Variants in PDE4D observed in about 807,000 individuals in gnomAD.
The protein encoded by PDE4D is 3',5'-cyclic-AMP phosphodiesterase 4D.
In PDE4D, 24 loss-of-function variants were observed where a neutral mutation model predicts 87.4. That is an observed-to-expected ratio of 0.27 (90% confidence interval 0.20 to 0.39). The LOEUF is 0.39. Among genes scored for constraint, PDE4D ranks in the 10% least tolerant of loss-of-function variants. The probability of loss-of-function intolerance (pLI) is 1.00; values close to 1 mark genes in which losing one functional copy is unlikely to be tolerated. For synonymous variants in PDE4D, 384 were observed against 383.2 expected, an observed-to-expected ratio of 1.00 and a Z score of -0.02; for missense variants, 714 against 1,041.0, an observed-to-expected ratio of 0.69 and a Z score of 4.32.
At chr5:59,967,040 C>T (rs140277569) in intron 3 of PDE4D, among the ~76,000 whole-genome samples, 42 of 152,234 alleles carry the variant, frequency 2.8e-4, no homozygotes, top group Non-Finnish European at 4.9e-4. Context: ...ATTTTTATGG[C>T]GAGCTGACCT....
chr5:59,616,465 T>C (rs973146333), intron 1 of PDE4D, among the ~76,000 whole-genome samples: 1 of 152,088 alleles, frequency 6.6e-6, no homozygotes, highest in Non-Finnish European at 1.5e-5. Context: ...CTCAAACCAT[T>C]AAAAGTTATA....
intron 6 of PDE4D, among the ~76,000 whole-genome samples, chr5:59,024,011 T>C (rs1755735966): frequency 6.6e-6 from 1 of 151,064 alleles, no homozygotes; most frequent in Non-Finnish European, 1.5e-5. Context: ...CAAGTGATTC[T>C]CCTGCTCAGC....
At chr5:59,213,073 A>G (rs1750423528) in intron 2 of PDE4D, among the ~76,000 whole-genome samples, 1 of 150,950 alleles carries the variant, frequency 6.6e-6, no homozygotes, top group East Asian at 2.0e-4. Flanking sequence ...TTACTCCTCC[A>G]TCTCTAAATT....
chr5:59,277,268 T>G (rs1764998748), intron 1 of PDE4D, among the ~76,000 whole-genome samples: 1 of 152,190 alleles, frequency 6.6e-6, no homozygotes, highest in Admixed American at 6.5e-5. Context: ...CTTCTTTCAA[T>G]GACTCTCAGG....
intron 1 of PDE4D, among the ~76,000 whole-genome samples, chr5:59,315,433 C>T (rs1356411721): frequency 6.6e-6 from 1 of 152,102 alleles, no homozygotes; most frequent in African/African-American, 2.4e-5. Flanking sequence ...CCTTCATCCA[C>T]TAGCCCCAAA....
At chr5:60,473,176 GAAGGA>G (rs1747980741) in intron 1 of PDE4D, among the ~76,000 whole-genome samples, 1 of 117,862 alleles carries the variant, frequency 8.5e-6, no homozygotes, top group Admixed American at 8.4e-5. Context: ...AGGAAGGAAG[GAAGGA>G]AAAAGAAAGA....
intron 1 of PDE4D, among the ~76,000 whole-genome samples, chr5:59,401,478 A>ATCTATCTGTCTGTCTGTCTG (rs150045951): frequency 0.037 from 5,657 of 150,964 alleles, 133 homozygotes; most frequent in Middle Eastern, 0.076. Flanking sequence ...CTATCTATCT[A>ATCTATCTGTCTGTCTGTCTG]TCTATCTATT....
chr5:59,913,931 T>C (rs1347144454), intron 3 of PDE4D, among the ~76,000 whole-genome samples: 2 of 152,128 alleles, frequency 1.3e-5, no homozygotes, highest in Non-Finnish European at 2.9e-5. Flanking sequence ...CTGTATCCAA[T>C]ACTGAAAACC....
At chr5:59,128,253 AG>A (rs1775779108) in intron 5 of PDE4D, among the ~76,000 whole-genome samples, 1 of 150,564 alleles carries the variant, frequency 6.6e-6, no homozygotes, top group South Asian at 2.1e-4. Flanking sequence ...CCCAGATGGC[AG>A]CATGCACCTC....
intron 2 of PDE4D, among the ~76,000 whole-genome samples, chr5:60,167,075 G>C (rs1352073834): frequency 6.6e-6 from 1 of 151,976 alleles, no homozygotes; most frequent in Non-Finnish European, 1.5e-5. Context: ...TTCCTGACCT[G>C]AATACTTATT....
intron 1 of PDE4D, among the ~76,000 whole-genome samples, chr5:59,261,272 G>C (rs6881054): frequency 0.081 from 12,312 of 151,702 alleles, 633 homozygotes; most frequent in Non-Finnish European, 0.12. Flanking sequence ...TAGTCCATTC[G>C]AAAGTTTTTG....
intron 1 of PDE4D, among the ~76,000 whole-genome samples, chr5:59,697,379 T>TG (rs925692862): frequency 6.6e-6 from 1 of 152,208 alleles, no homozygotes; most frequent in African/African-American, 2.4e-5. Context: ...TTAATCTTTC[T>TG]GGGGGTACCA....
intron 1 of PDE4D, among the ~76,000 whole-genome samples, chr5:60,274,120 T>C (rs1562278646): frequency 6.6e-6 from 1 of 152,050 alleles, no homozygotes; most frequent in Non-Finnish European, 1.5e-5. Flanking sequence ...TTTAGCTGAG[T>C]ATGAAGAGGT....
At chr5:60,070,357 A>ATATTTG (rs935205101) in intron 2 of PDE4D, among the ~76,000 whole-genome samples, 1 of 152,042 alleles carries the variant, frequency 6.6e-6, no homozygotes, top group Non-Finnish European at 1.5e-5. Flanking sequence ...GAGGTATATA[A>ATATTTG]TATTTGTATT....
At chr5:60,497,313 T>C (rs1409820207) in intron 1 of PDE4D, among the ~76,000 whole-genome samples, 1 of 126,630 alleles carries the variant, frequency 7.9e-6, no homozygotes, top group African/African-American at 3.3e-5. Flanking sequence ...GTTATCTTTA[T>C]AATCACAATG....
At chr5:60,282,202 AATAAACAT>A (rs1751983170) in intron 1 of PDE4D, among the ~76,000 whole-genome samples, 1 of 93,716 alleles carries the variant, frequency 1.1e-5, no homozygotes, top group African/African-American at 5.0e-5. Flanking sequence ...ACAAGAGAGA[AATAAACAT>A]ATATATATAT....
At chr5:59,107,352 G>T (rs1463087923) in intron 5 of PDE4D, among the ~76,000 whole-genome samples, 2 of 152,132 alleles carry the variant, frequency 1.3e-5, no homozygotes, top group African/African-American at 4.8e-5. Context: ...AAGATTACAG[G>T]CATTCACCAC....
At chr5:60,128,368 A>G (rs1292594594) in intron 2 of PDE4D, among the ~76,000 whole-genome samples, 1 of 152,222 alleles carries the variant, frequency 6.6e-6, no homozygotes, top group East Asian at 1.9e-4. Flanking sequence ...AATGAAATTC[A>G]TTCCTTCTTC....
At chr5:59,917,056 G>A (rs901439339) in intron 3 of PDE4D, among the ~76,000 whole-genome samples, 3 of 145,978 alleles carry the variant, frequency 2.1e-5, no homozygotes, top group Non-Finnish European at 4.5e-5. Context: ...CATCTGCCTC[G>A]GGCTCCCAAA....
Sources: allele counts gnomAD v4.1 joint callset (sites outside exome capture counted in the v4.1 genomes callset), GRCh38; gene constraint gnomAD v4.1.1; transcripts MANE v1.5; gene names NCBI Gene and HGNC (gene_info 2026-07-23, HGNC 2026-07-21).